The following TACR1 variants were observed in gnomAD, a reference collection of about 807,000 sequenced individuals.
TACR1 encodes tachykinin receptor 1, also known as substance-P receptor.
TACR1 carries 25 observed loss-of-function variants against 35.8 expected under a neutral mutation model. The ratio of observed to expected loss-of-function variants is 0.70; its 90% CI spans 0.51 to 0.98. The LOEUF is 0.98. Ranked by LOEUF, TACR1 falls within the 50% of genes least tolerant of loss-of-function variation. The pLI is 0.00. For missense variants in TACR1, 478 were observed against 522.9 expected (o/e 0.91, Z 0.84); for synonymous variants, 195 against 206.7 (o/e 0.94, Z 0.48).
rs569311249 is a variant in TACR1 at position 75,063,546 on chromosome 2, G to T, written c.585-9791C>A. Among the ~76,000 whole-genome samples the T allele has an allele frequency of 3.3e-5, 5 of 152,152 alleles. 1 individual carries two copies. The East Asian group carries it at 7.7e-4, about 23-fold the overall frequency. On this transcript the variant is annotated intron_variant, in intron 2 of 4. Coordinates refer to ENST00000305249, the MANE Select transcript of TACR1 (RefSeq NM_001058.4). ...ACACTTTTCCCAGGACCACTTATTG[G>T]ATACTCTATCCTTTTCCTGATGATT... is the stretch of plus-strand genomic sequence containing the variant.
At chr2:75,058,738 G>A (rs1440899757) in intron 2 of TACR1, among the ~76,000 whole-genome samples, 3 of 152,222 alleles carry the variant, frequency 2.0e-5, no homozygotes, top group Non-Finnish European at 4.4e-5. Context: ...TACAGGATAA[G>A]CTTGCTGAAT....
chr2:75,195,688 A>G (rs1675953232), intron 1 of TACR1, among the ~76,000 whole-genome samples: 1 of 152,216 alleles, frequency 6.6e-6, no homozygotes, highest in Non-Finnish European at 1.5e-5. Flanking sequence ...AAGGCAAAAC[A>G]AAATTATCAT....
chr2:75,110,653 T>C (rs1223274267), intron 2 of TACR1, among the ~76,000 whole-genome samples: 3 of 151,958 alleles, frequency 2.0e-5, no homozygotes, highest in Admixed American at 6.6e-5. Context: ...ATATGATCGG[T>C]ATTATTAATA....
chr2:75,135,959 C>A (rs1674280377), intron 1 of TACR1, among the ~76,000 whole-genome samples: 1 of 152,194 alleles, frequency 6.6e-6, no homozygotes, highest in Admixed American at 6.5e-5. Flanking sequence ...AATCTCACTT[C>A]TAAGAATGGT....
At chr2:75,050,710 C>T (rs767490456) in intron 4 of TACR1, among the ~76,000 whole-genome samples, 2 of 152,190 alleles carry the variant, frequency 1.3e-5, no homozygotes, top group African/African-American at 2.4e-5. Flanking sequence ...TTCCTTTTTG[C>T]CTTACCTTGT....
chr2:75,052,677 A>G lies in TACR1; in HGVS notation c.735+928T>C, dbSNP rs530845747. 1.4e-4 allele frequency among the ~76,000 whole-genome samples: 22 copies of G among 152,292 alleles called. No homozygotes were observed. The South Asian group carries it at 3.9e-3, about 27-fold the overall frequency. ...TTTGTGTAAAAAAGAAGAGAAAATA[A>G]TATATATTTACTTATTTATAAGTGC... is the stretch of plus-strand genomic sequence containing the variant. On this transcript the variant is annotated intron_variant, in intron 3 of 4. Transcript: ENST00000305249.
chr2:75,107,954 G>A (rs1360282384), intron 2 of TACR1, among the ~76,000 whole-genome samples: 1 of 114,262 alleles, frequency 8.8e-6, no homozygotes, highest in Admixed American at 8.0e-5. Flanking sequence ...AAAAGATGAT[G>A]TATAATTGTA....
At chr2:75,083,119 G>T (rs1401329068) in intron 2 of TACR1, among the ~76,000 whole-genome samples, 2 of 152,210 alleles carry the variant, frequency 1.3e-5, no homozygotes, top group Admixed American at 1.3e-4. Flanking sequence ...GTAAGGAAGG[G>T]ATCCGGTTTC....
chr2:75,061,758 A>G (rs1406610121), intron 2 of TACR1, among the ~76,000 whole-genome samples: 1 of 152,176 alleles, frequency 6.6e-6, no homozygotes, highest in African/African-American at 2.4e-5. Flanking sequence ...CAGGATCCCC[A>G]TGCTCAAATG....
intron 1 of TACR1, among the ~76,000 whole-genome samples, chr2:75,180,201 TTACCCTTGTCGG>T (rs1675529949): frequency 6.6e-6 from 1 of 152,218 alleles, no homozygotes; most frequent in Non-Finnish European, 1.5e-5. Flanking sequence ...CTCTATCCTC[TTACCCTTGTCGG>T]TACTCAAAAT....
intron 2 of TACR1, among the ~76,000 whole-genome samples, chr2:75,093,960 A>T (rs58933792): frequency 1.3e-5 from 2 of 151,918 alleles, no homozygotes; most frequent in African/African-American, 2.4e-5. Context: ...AGATGTACTC[A>T]GGTCACACAG....
chr2:75,099,257 A>G (rs1158673019), intron 2 of TACR1, among the ~76,000 whole-genome samples: 1 of 151,888 alleles, frequency 6.6e-6, no homozygotes, highest in Non-Finnish European at 1.5e-5. Context: ...ATCTCCAGTG[A>G]GCTCCTTCTC....
intron 2 of TACR1, among the ~76,000 whole-genome samples, chr2:75,106,013 T>A (rs1220331757): frequency 6.6e-6 from 1 of 152,008 alleles, no homozygotes; most frequent in Non-Finnish European, 1.5e-5. Flanking sequence ...TGGATTTTAG[T>A]TATGAATTAT....
intron 1 of TACR1, chr2:75,190,097 A>G (rs1199842013): frequency 1.3e-5 from 2 of 152,224 alleles, no homozygotes; most frequent in Non-Finnish European, 2.9e-5. Flanking sequence ...AACTTCCATG[A>G]TTTATAAAAT....
chr2:75,137,492 A>G (rs1341001165), intron 1 of TACR1, among the ~76,000 whole-genome samples: 3 of 151,922 alleles, frequency 2.0e-5, no homozygotes, highest in South Asian at 2.1e-4. Context: ...TTGGGAGGCC[A>G]AGGTGGGCGG....
rs1024286743 is a variant in TACR1, at chr2:75,083,605, G to C, written c.585-29850C>G. Among the ~76,000 whole-genome samples, 514 of 152,230 alleles carry C rather than the reference G, an allele frequency of 3.4e-3. 6 individuals are homozygous for C. Among genetic ancestry groups the C allele is most frequent in the East Asian group, 0.012 (63 of 5,184 alleles). On this transcript the variant is annotated intron_variant, in intron 2 of 4. Transcript: ENST00000305249. ...TTTGTATCCTCTTTTATTTCCTTGA[G>C]CAGTGGTTTGTAGTTCTCCTTGAAG...
chr2:75,134,664 A>G (rs548375426), intron 1 of TACR1, among the ~76,000 whole-genome samples: 1 of 152,222 alleles, frequency 6.6e-6, no homozygotes, highest in Non-Finnish European at 1.5e-5. Context: ...ACAGAAGCCC[A>G]GAGAAGCAAA....
At chr2:75,078,658 A>G (rs1378631480) in intron 2 of TACR1, among the ~76,000 whole-genome samples, 1 of 152,186 alleles carries the variant, frequency 6.6e-6, no homozygotes, top group Non-Finnish European at 1.5e-5. Flanking sequence ...ATGGGGGTAG[A>G]ACAAACACGA....
chr2:75,094,859 A>ATATATATATAT, intron 2 of TACR1, among the ~76,000 whole-genome samples: 75 of 113,092 alleles, frequency 6.6e-4, no homozygotes, highest in African/African-American at 2.9e-3. Context: ...ATATATATAT[A>ATATATATATAT]TTTTTTTTTT....
Sources: allele counts gnomAD v4.1 joint callset (sites outside exome capture counted in the v4.1 genomes callset), GRCh38; gene constraint gnomAD v4.1.1; transcripts MANE v1.5; gene names NCBI Gene and HGNC (gene_info 2026-07-23, HGNC 2026-07-21).